PUM2: variants seen among roughly 807,000 people sequenced by gnomAD.
The protein encoded by PUM2 is pumilio homolog 2.
In PUM2, 57 loss-of-function variants were observed where a neutral mutation model predicts 124.5. The observed-to-expected ratio is 0.46, with a 90% CI of 0.37 to 0.57. The LOEUF (loss-of-function observed/expected upper bound fraction) is 0.57. Ranked by LOEUF, PUM2 falls within the 20% of genes least tolerant of loss-of-function variation. PUM2 has a pLI of 0.00. For missense variants in PUM2, 1,065 were observed against 1,290.6 expected (o/e 0.83, Z 2.68); for synonymous variants, 460 against 446.1 (o/e 1.03, Z -0.39).
At chr2:20,342,212 G>A (rs1265898247) in intron 1 of PUM2, among the ~76,000 whole-genome samples, 1 of 152,000 alleles carries the variant, frequency 6.6e-6, no homozygotes, top group Non-Finnish European at 1.5e-5. Flanking sequence ...TGCATGGTCT[G>A]AGACAACTGG....
At chr2:20,301,252 G>A (rs1046680665) in intron 7 of PUM2, among the ~76,000 whole-genome samples, 3 of 152,170 alleles carry the variant, frequency 2.0e-5, no homozygotes, top group East Asian at 1.9e-4. Context: ...GACCTGTCTC[G>A]GTTATCTTTT....
chr2:20,334,790 T>C (rs542362868), intron 1 of PUM2, among the ~76,000 whole-genome samples: 274 of 152,328 alleles, frequency 1.8e-3, no homozygotes, highest in Non-Finnish European at 3.2e-3. Flanking sequence ...GCACTACTTC[T>C]CCAAGTCTGT....
At chr2:20,339,713 C>T (rs1686856300) in intron 1 of PUM2, among the ~76,000 whole-genome samples, 1 of 152,108 alleles carries the variant, frequency 6.6e-6, no homozygotes, top group African/African-American at 2.4e-5. Context: ...AACCCTGTCT[C>T]TACTAAAAAT....
In PUM2 at chr2:20,308,356, T is replaced by C; in HGVS notation, c.747A>G (p.Ser249=). 6.2e-7 allele frequency: 1 copy of C among 1,614,092 alleles called. No individual in the cohort carries two copies. Residue 249 remains serine, a synonymous_variant, in exon 6 of 21, where the codon TCA becomes TCG. Coordinates refer to ENST00000361078, the MANE Select transcript of PUM2 (RefSeq NM_015317.5). ...AGTCAAAAAGGCCTACAGTAGCTCC[T>C]GAAGAGTCCATTGGTACCTGATTAC... is the stretch of plus-strand genomic sequence containing the variant. ...YPGNQVPMDS[S]GATVGLFDYN...
intron 12 of PUM2, among the ~76,000 whole-genome samples, chr2:20,280,664 A>T (rs1671295448): frequency 6.6e-6 from 1 of 152,160 alleles, no homozygotes; most frequent in Admixed American, 6.5e-5. Context: ...ATAATTCAGA[A>T]ATAACCTTAA....
At position 20,254,971 on chromosome 2, in the gene PUM2, T is replaced by C. The variant is rs1558471704; in HGVS notation, c.2762A>G (p.Asn921Ser). Reference sequence around the variant, plus strand: ...TTCCAGTACATGCTGAATAACATAATTGCCATACTGATCCTAAGACAGATA... The same window carrying C: ...TTCCAGTACATGCTGAATAACATAACTGCCATACTGATCCTAAGACAGATA... ...TEQLVQDQYGNYVIQHVLEHG... is the reference protein window; with the variant it reads ...TEQLVQDQYGSYVIQHVLEHG... Residue 921 changes from asparagine (N) to serine (S), a missense_variant, in exon 19 of 21, where the codon AAT becomes AGT. Coordinates refer to ENST00000361078, the MANE Select transcript of PUM2 (RefSeq NM_015317.5). 1.9e-6 allele frequency: 3 copies of C among 1,612,854 alleles called. No homozygotes were observed. The highest frequency in any genetic ancestry group is 2.5e-6 in the Non-Finnish European group (3 of 1,179,312).
chr2:20,334,014 C>T (rs868052128), intron 1 of PUM2, among the ~76,000 whole-genome samples: 2 of 152,212 alleles, frequency 1.3e-5, no homozygotes, highest in African/African-American at 2.4e-5. Flanking sequence ...CTAAGTTTCC[C>T]GAGGCCTCCC....
intron 14 of PUM2, among the ~76,000 whole-genome samples, chr2:20,261,810 G>A (rs1294527482): frequency 6.6e-6 from 1 of 152,178 alleles, no homozygotes; most frequent in Non-Finnish European, 1.5e-5. Context: ...TCGTACAGCT[G>A]TACAATGTGT....
chr2:20,273,384 C>T (rs1398021725), intron 13 of PUM2, among the ~76,000 whole-genome samples: 1 of 152,158 alleles, frequency 6.6e-6, no homozygotes, highest in Non-Finnish European at 1.5e-5. Context: ...GATGCCAAAA[C>T]ACAGGATGGG....
intron 3 of PUM2, among the ~76,000 whole-genome samples, chr2:20,313,964 G>A (rs1051926243): frequency 2.6e-5 from 4 of 151,302 alleles, no homozygotes; most frequent in Admixed American, 1.3e-4. Context: ...GCAAAAAGGC[G>A]AAACCTCATC....
chr2:20,268,641 A>AATATATATATATAT (rs72044779), intron 13 of PUM2, among the ~76,000 whole-genome samples: 91 of 150,346 alleles, frequency 6.1e-4, no homozygotes, highest in African/African-American at 2.1e-3. Flanking sequence ...AAACAAACAA[A>AATATATATATATAT]ATATATATAT....
At chr2:20,259,240 T>C (rs1175826371) in intron 15 of PUM2, among the ~76,000 whole-genome samples, 3 of 152,250 alleles carry the variant, frequency 2.0e-5, no homozygotes, top group East Asian at 1.9e-4. Context: ...TCAGGATTAA[T>C]AGCAAATTTT....
At chr2:20,349,024 C>A (rs1218662546) in intron 1 of PUM2, among the ~76,000 whole-genome samples, 1 of 152,146 alleles carries the variant, frequency 6.6e-6, no homozygotes, top group Admixed American at 6.5e-5. Flanking sequence ...ATTTGTAATG[C>A]CTGAGAATTT....
intron 7 of PUM2, among the ~76,000 whole-genome samples, chr2:20,300,331 T>C (rs1379322119): frequency 1.3e-5 from 2 of 152,126 alleles, no homozygotes; most frequent in African/African-American, 4.8e-5. Flanking sequence ...GTATTTTTAG[T>C]AGAGACGGGG....
At chr2:20,294,794 C>T (rs549979212) in intron 8 of PUM2, among the ~76,000 whole-genome samples, 216 of 152,290 alleles carry the variant, frequency 1.4e-3, no homozygotes, top group African/African-American at 4.8e-3. Flanking sequence ...ATTTTTGGGT[C>T]TGACACTATA....
At chr2:20,283,256 C>G in intron 11 of PUM2, 25 bp from the exon 12 acceptor site, 1 of 1,608,366 alleles carries the variant, frequency 6.2e-7, no homozygotes, top group Non-Finnish European at 8.5e-7. Context: ...TCAGATACTT[C>G]TTTAAACCAC....
intron 14 of PUM2, among the ~76,000 whole-genome samples, chr2:20,262,857 T>C (rs899606225): frequency 6.6e-6 from 1 of 152,130 alleles, no homozygotes; most frequent in East Asian, 1.9e-4. Flanking sequence ...GCATTTAACA[T>C]TGTTTGCTAT....
At chr2:20,277,256 T>C (rs1223502145) in intron 13 of PUM2, among the ~76,000 whole-genome samples, 2 of 152,176 alleles carry the variant, frequency 1.3e-5, no homozygotes, top group African/African-American at 2.4e-5. Flanking sequence ...GTCCATTTCA[T>C]AGGCATGTCT....
chr2:20,326,125 C>A (rs1389246850), intron 2 of PUM2: 8 of 692,732 alleles, frequency 1.2e-5, no homozygotes, highest in African/African-American at 1.1e-4. Flanking sequence ...AGATATTGCA[C>A]TGCAGTGAAG....
Sources: allele counts gnomAD v4.1 joint callset (sites outside exome capture counted in the v4.1 genomes callset), GRCh38; gene constraint gnomAD v4.1.1; transcripts MANE v1.5; gene names NCBI Gene and HGNC (gene_info 2026-07-23, HGNC 2026-07-21).